The following ASPRV1 variants were observed in gnomAD, a reference collection of about 807,000 sequenced individuals.
The protein encoded by ASPRV1 is aspartic peptidase retroviral like 1, also known as retroviral-like aspartic protease 1.
In ASPRV1, 7 loss-of-function variants were observed where a neutral mutation model predicts 11.0. The observed-to-expected ratio is 0.64, with a 90% confidence interval of 0.36 to 1.20. ASPRV1 has a LOEUF of 1.20. Ranked by LOEUF, ASPRV1 falls within the 50% of genes most tolerant of loss-of-function variation. The pLI is 0.02. For missense variants in ASPRV1, 299 were observed against 320.0 expected (o/e 0.93, Z 0.50); for synonymous variants, 136 against 138.4 (o/e 0.98, Z 0.12).
chr2:69,969,250 C>T, the ASPRV1 span, among the ~76,000 whole-genome samples: 3 of 152,174 alleles, frequency 2.0e-5, no homozygotes, highest in Non-Finnish European at 2.9e-5. Context: ...AATTTGCACA[C>T]GGTGTGGCAT....
the ASPRV1 span, among the ~76,000 whole-genome samples, chr2:69,944,910 G>A: frequency 2.0e-5 from 3 of 152,074 alleles, no homozygotes; most frequent in South Asian, 4.2e-4. Flanking sequence ...GGCGAACCCC[G>A]TGACATCACT....
the ASPRV1 span, among the ~76,000 whole-genome samples, chr2:70,020,746 A>G: frequency 2.6e-5 from 4 of 152,244 alleles, no homozygotes; most frequent in Non-Finnish European, 5.9e-5. Context: ...GACATTGTGC[A>G]GAGTGATGTA....
chr2:69,954,257 T>G, the ASPRV1 span, among the ~76,000 whole-genome samples: 4 of 152,188 alleles, frequency 2.6e-5, no homozygotes, highest in Non-Finnish European at 5.9e-5. Flanking sequence ...TAATCAATCA[T>G]GGCATCTTGC....
chr2:69,964,228 C>T (rs10203732), upstream of ASPRV1: 45,515 of 365,116 alleles, frequency 0.12, 4,484 homozygotes, highest in African/African-American at 0.28. Context: ...AGCCCAAGCC[C>T]ACCTTGGCCC....
the ASPRV1 span, among the ~76,000 whole-genome samples, chr2:70,002,873 T>C: frequency 2.0e-5 from 3 of 152,194 alleles, no homozygotes; most frequent in Non-Finnish European, 4.4e-5. Context: ...TCCTTCTGAG[T>C]GATAGAGTAT....
the ASPRV1 span, among the ~76,000 whole-genome samples, chr2:70,056,847 G>A: frequency 1.3e-5 from 2 of 151,430 alleles, no homozygotes; most frequent in African/African-American, 2.4e-5. Context: ...TGTTTCTCCC[G>A]TCTCAGCCTC....
At chr2:70,046,660 C>A in the ASPRV1 span, 18 of 152,162 alleles carry the variant, frequency 1.2e-4, no homozygotes, top group Admixed American at 1.1e-3. Flanking sequence ...AAGCCAAACA[C>A]CCCTGGGGGA....
chr2:69,960,781 C>T lies in ASPRV1; in HGVS notation c.656G>A (p.Cys219Tyr). ...NAILDFEHRT[C>Y]TLKGKKFRLL... ...GCGAAACTTCTTCCCTTTCAGGGTG[C>T]ATGTGCGGTGCTCAAAGTCCAGGAT... is the stretch of plus-strand genomic sequence containing the variant. Residue 219 changes from cysteine (C) to tyrosine (Y), a missense_variant, in exon 1 of 1, where the codon TGC becomes TAC. By Grantham distance (194) the Cys-to-Tyr change is radical (BLOSUM62 -2). Transcript: ENST00000320256. The T allele has an allele frequency of 6.2e-7, 1 of 1,614,148 alleles. No individual in the cohort carries two copies. The highest frequency in any genetic ancestry group is 1.1e-5 in the South Asian group (1 of 91,074).
the ASPRV1 span, among the ~76,000 whole-genome samples, chr2:69,955,025 A>T: frequency 1.3e-5 from 2 of 152,224 alleles, no homozygotes; most frequent in Admixed American, 6.5e-5. Flanking sequence ...CTTGAGAGCC[A>T]ATTGATTAGC....
chr2:69,972,549 G>A, the ASPRV1 span, among the ~76,000 whole-genome samples: 1 of 152,098 alleles, frequency 6.6e-6, no homozygotes, highest in South Asian at 2.1e-4. Context: ...GTAGAGACGG[G>A]GTTTCACCAC....
At chr2:70,061,251 C>T in the ASPRV1 span, among the ~76,000 whole-genome samples, 5 of 152,024 alleles carry the variant, frequency 3.3e-5, no homozygotes, top group African/African-American at 7.2e-5. Flanking sequence ...CAAAATTAGC[C>T]GGGCATGGTG....
chr2:69,994,200 T>C, the ASPRV1 span: 1 of 152,306 alleles, frequency 6.6e-6, no homozygotes, highest in African/African-American at 2.4e-5. Context: ...TCTGCTTCTA[T>C]TTGTTATGTG....
the ASPRV1 span, chr2:69,996,838 G>A: frequency 2.3e-6 from 1 of 427,946 alleles, no homozygotes; most frequent in Admixed American, 2.7e-5. Context: ...TGAGAATGCT[G>A]ATGGATAAGG....
chr2:70,018,399 T>A, the ASPRV1 span, among the ~76,000 whole-genome samples: 1 of 151,926 alleles, frequency 6.6e-6, no homozygotes, highest in Non-Finnish European at 1.5e-5. Flanking sequence ...ACTAATAAAA[T>A]TCTTCACAAA....
chr2:69,989,327 C>A, the ASPRV1 span, among the ~76,000 whole-genome samples: 1 of 152,250 alleles, frequency 6.6e-6, no homozygotes, highest in African/African-American at 2.4e-5. Context: ...AATGTCCCAG[C>A]CTATTTTCTT....
the ASPRV1 span, among the ~76,000 whole-genome samples, chr2:70,017,784 A>G: frequency 6.6e-6 from 1 of 152,188 alleles, no homozygotes; most frequent in Non-Finnish European, 1.5e-5. Flanking sequence ...GTTTATATAC[A>G]ATAACAACGA....
chr2:70,065,898 A>T, the ASPRV1 span, among the ~76,000 whole-genome samples: 1 of 151,652 alleles, frequency 6.6e-6, no homozygotes, highest in Admixed American at 6.6e-5. Context: ...GTATCTCAAT[A>T]AAATGAAGTC....
At chr2:70,018,264 G>C in the ASPRV1 span, 1 of 151,984 alleles carries the variant, frequency 6.6e-6, no homozygotes, top group Non-Finnish European at 1.5e-5. Context: ...ACTGACGAAA[G>C]AAACTGAAGA....
At chr2:69,993,583 AT>A in the ASPRV1 span, 14 of 152,350 alleles carry the variant, frequency 9.2e-5, no homozygotes, top group African/African-American at 3.4e-4. Flanking sequence ...ACAGCATCTT[AT>A]TCATCCAGAG....
Sources: gnomAD v4.1 joint callset for allele counts (sites outside exome capture counted in the v4.1 genomes callset) on GRCh38, gnomAD v4.1.1 for gene constraint, MANE v1.5 for transcripts, NCBI Gene and HGNC (gene_info 2026-07-23, HGNC 2026-07-21) for gene names.